The following MYH9 variants were observed in gnomAD, a reference collection of about 807,000 sequenced individuals.
MYH9 encodes myosin-9.
Under a neutral mutation model 241.9 loss-of-function variants are expected in MYH9, and 29 were observed. That is an observed-to-expected ratio of 0.12 (90% CI 0.09 to 0.16). MYH9 has a LOEUF of 0.16. MYH9 is among the 10% of genes least tolerant of loss of function. MYH9 has a pLI of 1.00. For missense variants in MYH9, 1,803 were observed against 2,595.5 expected, an observed-to-expected ratio of 0.69 and a Z score of 6.63; for synonymous variants, 1,047 against 1,062.6, an observed-to-expected ratio of 0.99 and a Z score of 0.29.
chr22:36,367,853 C>A (rs59007085), intron 1 of MYH9, among the ~76,000 whole-genome samples: 10,691 of 152,262 alleles, frequency 0.07, 1,264 homozygotes, highest in African/African-American at 0.25. Flanking sequence ...GAGCCCCAGG[C>A]CCCCTCCTCC....
At chr22:36,358,672 C>A (rs1471470863) in intron 1 of MYH9, among the ~76,000 whole-genome samples, 2 of 152,128 alleles carry the variant, frequency 1.3e-5, no homozygotes, top group Non-Finnish European at 2.9e-5. Flanking sequence ...CAGCCCTCCG[C>A]CAACACCACT....
At chr22:36,323,107 G>A (rs55670830) in intron 5 of MYH9, among the ~76,000 whole-genome samples, 10,541 of 152,286 alleles carry the variant, frequency 0.069, 1,263 homozygotes, top group African/African-American at 0.24. Flanking sequence ...TTGGGCTCCA[G>A]GCTGTTTACT....
intron 15 of MYH9, chr22:36,308,881 G>C (rs1158190123): frequency 1.0e-6 from 1 of 985,008 alleles, no homozygotes; most frequent in Non-Finnish European, 1.2e-6. Flanking sequence ...CTGCAACAGA[G>C]AGGTTAAAGC....
At chr22:36,303,784 CAAA>C (rs56983008) in intron 19 of MYH9, among the ~76,000 whole-genome samples, 5 of 48,422 alleles carry the variant, frequency 1.0e-4, no homozygotes, top group East Asian at 5.6e-4. Context: ...GACTCCGTCT[CAAA>C]AAAAAAAAAA....
intron 20 of MYH9, chr22:36,302,327 C>A (rs933270384): frequency 6.5e-6 from 3 of 459,850 alleles, no homozygotes; most frequent in Non-Finnish European, 1.2e-5. Flanking sequence ...TCAGCCTGGG[C>A]AAGATAGTGA....
rs753622711 is a variant in MYH9, at chr22:36,286,721, C to G, written c.5058G>C (p.Gln1686His). Residue 1686 changes from glutamine to histidine, a missense_variant, in exon 35 of 41, where the codon CAG becomes CAC. Around this residue, in one of 11 missense-constraint regions of MYH9, gnomAD observed 876 missense variants for 1,077.8 expected, o/e 0.81. Coordinates refer to ENST00000216181, the MANE Select transcript of MYH9 (RefSeq NM_002473.6). Reference sequence around the variant, plus strand: ...TCTCCATTGCAGCCCCACCCACCTCCTGCAACTGGATCATCTCGGCCTCCA... The same window carrying G: ...TCTCCATTGCAGCCCCACCCACCTCGTGCAACTGGATCATCTCGGCCTCCA... ...KSMEAEMIQL[Q>H]EELAAAERAK... 6.2e-7 allele frequency: 1 copy of G among 1,612,426 alleles called. No homozygotes were observed. Among genetic ancestry groups the G allele is most frequent in the African/African-American group, 1.3e-5 (1 of 74,958 alleles).
intron 23 of MYH9, among the ~76,000 whole-genome samples, chr22:36,299,384 C>T (rs948228053): frequency 1.3e-5 from 2 of 152,236 alleles, no homozygotes; most frequent in African/African-American, 4.8e-5. Context: ...CTCACCTGCG[C>T]CACCAGGCCA....
rs772517712 is a variant in MYH9, at chr22:36,344,929, G to A, written c.334-3403C>T. ...AATAAAGAGCCAAGGAGAGAAACAG[G>A]AGTTATTTTCACTTGTAACACACAT... On this transcript the variant is annotated intron_variant, in intron 2 of 40. Coordinates refer to ENST00000216181, the MANE Select transcript of MYH9 (RefSeq NM_002473.6). 5.2e-4 allele frequency among the ~76,000 whole-genome samples: 79 copies of A among 152,240 alleles called. 1 individual carries two copies. Among genetic ancestry groups the A allele is most frequent in the Non-Finnish European group, 2.6e-4 (18 of 68,042 alleles).
chr22:36,341,559 AG>A, intron 2 of MYH9, 33 bp from the exon 3 acceptor site: 2 of 1,610,660 alleles, frequency 1.2e-6, no homozygotes, highest in South Asian at 1.1e-5. Flanking sequence ...GGAACAGGTT[AG>A]GAAGTTTGAT....
At chr22:36,361,065 G>A (rs1368398687) in intron 1 of MYH9, among the ~76,000 whole-genome samples, 2 of 152,226 alleles carry the variant, frequency 1.3e-5, no homozygotes, top group Non-Finnish European at 2.9e-5. Flanking sequence ...ACCTACAGCA[G>A]CCTCGACCTA....
intron 24 of MYH9, among the ~76,000 whole-genome samples, chr22:36,298,513 C>T (rs2016823524): frequency 6.6e-6 from 1 of 152,330 alleles, no homozygotes; most frequent in East Asian, 1.9e-4. Flanking sequence ...AAAACTAAAG[C>T]TCATGGAGCT....
intron 15 of MYH9, among the ~76,000 whole-genome samples, chr22:36,308,430 G>A (rs1056912954): frequency 1.3e-4 from 20 of 149,276 alleles, no homozygotes; most frequent in African/African-American, 5.1e-4. Context: ...ACACCCAGCT[G>A]ATTTTTTTTT....
intron 2 of MYH9, among the ~76,000 whole-genome samples, chr22:36,342,335 G>A (rs12165933): frequency 7.2e-5 from 11 of 152,192 alleles, no homozygotes; most frequent in African/African-American, 2.4e-4. Flanking sequence ...TCCATTTCTC[G>A]ATGTGAAAAA....
chr22:36,383,054 C>T (rs1470800895), intron 1 of MYH9, among the ~76,000 whole-genome samples: 1 of 151,776 alleles, frequency 6.6e-6, no homozygotes, highest in African/African-American at 2.4e-5. Context: ...GATCCCATCC[C>T]TACAAAAAAC....
At chr22:36,321,691 C>T in intron 7 of MYH9, 67 bp downstream of exon 7, 1 of 1,448,796 alleles carries the variant, frequency 6.9e-7, no homozygotes, top group Non-Finnish European at 9.7e-7. Context: ...GAGGCAGCTT[C>T]TTCTCTACAG....
At chr22:36,387,193 C>A (rs879534596) in intron 1 of MYH9, among the ~76,000 whole-genome samples, 1 of 152,140 alleles carries the variant, frequency 6.6e-6, no homozygotes, top group East Asian at 1.9e-4. Context: ...ACCAGTCCGA[C>A]GGCAGCGGGC....
chr22:36,293,289 C>G lies in MYH9; in HGVS notation c.4095+40G>C. ...AGGCCAGTGCCCGGCCAGCAGCTCCCCAGCCTGCAGAGTCCGGCCGGTCCC... is the reference window on the plus strand; with the variant it reads ...AGGCCAGTGCCCGGCCAGCAGCTCCGCAGCCTGCAGAGTCCGGCCGGTCCC... On this transcript the variant is annotated intron_variant, in intron 30 of 40. Transcript: ENST00000216181. This position sits in a 1 kb window ranked among gnomAD's most constrained non-coding sequence, Gnocchi z 5.1. 6.2e-7 allele frequency: 1 copy of G among 1,612,728 alleles called. No homozygotes were observed. Among genetic ancestry groups the G allele is most frequent in the Non-Finnish European group, 8.5e-7 (1 of 1,179,736 alleles).
rs2016756837 is a variant in MYH9 at position 36,294,383 on chromosome 22, A to G, written c.3631-85T>C. The stretch of plus-strand genomic sequence containing the variant: ...TATCATCACTGGACCCTAGATCCAG[A>G]CATCGCTGCTTCTGCAGCCCTGACG... On this transcript the variant is annotated intron_variant, in intron 27 of 40. Transcript: ENST00000216181. 5.6e-6 allele frequency: 8 copies of G among 1,438,806 alleles called. No homozygotes were observed. In the African/African-American group the frequency reaches 7.0e-5, roughly 13 times the overall value. The allele number at this position is 1,438,806 out of a possible 1,614,324, so 89.1% of individuals were successfully genotyped here. A position where few individuals can be genotyped will look rare whatever the true frequency, so the allele number is the denominator to read the frequency against.
intron 28 of MYH9, 72 bp downstream of exon 28, chr22:36,294,020 G>A: frequency 6.5e-7 from 1 of 1,547,972 alleles, no homozygotes; most frequent in African/African-American, 1.4e-5. Flanking sequence ...GAGCACACAT[G>A]CACCTGGGGA....
Sources: gnomAD v4.1 joint callset for allele counts (sites outside exome capture counted in the v4.1 genomes callset) on GRCh38, gnomAD v4.1.1 for gene constraint, gnomAD v4.1.1 regional missense constraint, Gnocchi (gnomAD v3.1) non-coding constraint, MANE v1.5 for transcripts, NCBI Gene and HGNC (gene_info 2026-07-23, HGNC 2026-07-21) for gene names.